The following TMEM132D variants were observed in gnomAD, a reference collection of about 807,000 sequenced individuals.
The protein encoded by TMEM132D is transmembrane protein 132D.
Under a neutral mutation model 62.3 loss-of-function variants are expected in TMEM132D, and 21 were observed. The ratio of observed to expected loss-of-function variants is 0.34; its 90% CI spans 0.24 to 0.49. The LOEUF (loss-of-function observed/expected upper bound fraction) is 0.49, where lower values mean the gene tolerates loss of function less well. Among genes scored for constraint, TMEM132D ranks in the 20% least tolerant of loss-of-function variants. The pLI is 0.99. For synonymous variants in TMEM132D, 621 were observed against 575.6 expected (o/e 1.08, Z -1.13); for missense variants, 1,346 against 1,402.8 (o/e 0.96, Z 0.65).
At chr12:129,826,777 G>A (rs1320157594) in intron 1 of TMEM132D, among the ~76,000 whole-genome samples, 1 of 152,166 alleles carries the variant, frequency 6.6e-6, no homozygotes, top group East Asian at 1.9e-4. Context: ...GCCTGAGACA[G>A]CAAGATCCAT....
intron 3 of TMEM132D, among the ~76,000 whole-genome samples, chr12:129,461,967 A>T (rs896411752): frequency 1.3e-5 from 2 of 152,186 alleles, no homozygotes; most frequent in East Asian, 1.9e-4. Context: ...ATCGTAGGGG[A>T]TAGGTATTAT....
In TMEM132D at chr12:129,675,823, T is replaced by C. The variant is rs114569967; in HGVS notation, c.968+23987A>G. 9.1e-3 allele frequency among the ~76,000 whole-genome samples: 1,384 copies of C among 152,270 alleles called. 25 individuals are homozygous for C. The highest frequency in any genetic ancestry group is 0.032 in the African/African-American group (1,321 of 41,550). On this transcript the variant is annotated intron_variant, in intron 2 of 8. Transcript: ENST00000422113. ...ATTATCCAGTCCCAGATGTCAGTGG[T>C]GCCGAGGTTGAGAAGCCCTGTGCTG...
intron 5 of TMEM132D, among the ~76,000 whole-genome samples, chr12:129,191,292 G>GACAC (rs56128227): frequency 0.13 from 19,181 of 145,026 alleles, 1,321 homozygotes; most frequent in South Asian, 0.16. Flanking sequence ...AGGGAAATAG[G>GACAC]ACACACACAC....
intron 3 of TMEM132D, among the ~76,000 whole-genome samples, chr12:129,359,607 T>C (rs1390940378): frequency 2.0e-5 from 3 of 152,166 alleles, no homozygotes; most frequent in African/African-American, 7.2e-5. Context: ...AATATTGCTA[T>C]CTCACCCCTT....
At chr12:129,275,921 A>G (rs1880992996) in intron 4 of TMEM132D, among the ~76,000 whole-genome samples, 1 of 152,208 alleles carries the variant, frequency 6.6e-6, no homozygotes, top group Admixed American at 6.5e-5. Context: ...GTTGGAAATC[A>G]AGAGTGATTT....
chr12:129,766,267 C>T (rs1870552408), intron 1 of TMEM132D, among the ~76,000 whole-genome samples: 1 of 151,912 alleles, frequency 6.6e-6, no homozygotes, highest in Admixed American at 6.6e-5. Flanking sequence ...TTAGCCCTGA[C>T]TTATACTCAC....
At chr12:129,882,762 A>T (rs541183605) in intron 1 of TMEM132D, among the ~76,000 whole-genome samples, 1 of 152,204 alleles carries the variant, frequency 6.6e-6, no homozygotes, top group African/African-American at 2.4e-5. Flanking sequence ...ATTGTTTTTA[A>T]GAAGGAAAAC....
intron 1 of TMEM132D, among the ~76,000 whole-genome samples, chr12:129,755,164 T>C (rs1040494580): frequency 1.3e-5 from 2 of 152,248 alleles, no homozygotes; most frequent in Non-Finnish European, 2.9e-5. Flanking sequence ...CTTGTAACTA[T>C]GGCTTTTTGC....
At chr12:129,233,216 A>C (rs2398458) in intron 4 of TMEM132D, among the ~76,000 whole-genome samples, 131,571 of 152,246 alleles carry the variant, frequency 0.86, 56,968 homozygotes, top group South Asian at 0.95. Context: ...TATATGAGGG[A>C]GGGGGCCCTG....
chr12:129,388,653 T>C (rs1339408721), intron 3 of TMEM132D, among the ~76,000 whole-genome samples: 1 of 127,168 alleles, frequency 7.9e-6, no homozygotes, highest in African/African-American at 2.8e-5. Context: ...CTCATCCTAA[T>C]ATAAACACTA....
At position 129,803,059 on chromosome 12, in the gene TMEM132D, A is replaced by G. The variant is rs969445923; in HGVS notation, c.79+100202T>C. 4.0e-4 allele frequency among the ~76,000 whole-genome samples: 61 copies of G among 151,202 alleles called. 2 individuals are homozygous for G. Among genetic ancestry groups the G allele is most frequent in the African/African-American group, 1.5e-3 (60 of 41,060 alleles). On this transcript the variant is annotated intron_variant, in intron 1 of 8. Transcript: ENST00000422113. The stretch of plus-strand genomic sequence containing the variant: ...TAGAGCAAGTCCTGAGTGACCTACA[A>G]AGAGACTTAGACTCCCACACATTAA...
At chr12:129,354,565 G>A (rs1425682020) in intron 3 of TMEM132D, among the ~76,000 whole-genome samples, 2 of 152,152 alleles carry the variant, frequency 1.3e-5, no homozygotes, top group Admixed American at 6.5e-5. Flanking sequence ...TTTGTGATCT[G>A]CCCACCTCAG....
chr12:129,902,957 C>T (rs563277437), intron 1 of TMEM132D, among the ~76,000 whole-genome samples: 7 of 152,294 alleles, frequency 4.6e-5, no homozygotes, highest in Non-Finnish European at 1.0e-4. Context: ...GTCCCCACGC[C>T]CTCTCCCTTT....
chr12:129,087,942 CGG>C (rs34083310), intron 5 of TMEM132D, among the ~76,000 whole-genome samples: 3 of 34,666 alleles, frequency 8.7e-5, no homozygotes, highest in African/African-American at 3.0e-4. Context: ...CCTCCATGAC[CGG>C]GGTGTCCTCC....
chr12:129,270,343 A>G (rs1260899624), intron 4 of TMEM132D, among the ~76,000 whole-genome samples: 1 of 152,208 alleles, frequency 6.6e-6, no homozygotes, highest in Non-Finnish European at 1.5e-5. Context: ...ACAGGGTACC[A>G]CTTGAGTTTA....
intron 2 of TMEM132D, among the ~76,000 whole-genome samples, chr12:129,573,333 G>T (rs1336132660): frequency 1.3e-5 from 2 of 152,212 alleles, no homozygotes; most frequent in Admixed American, 1.3e-4. Context: ...GGCCTGAGGA[G>T]CCAGACCTGA....
chr12:129,223,548 C>T (rs1234859388), intron 4 of TMEM132D, among the ~76,000 whole-genome samples: 1 of 152,096 alleles, frequency 6.6e-6, no homozygotes, highest in Non-Finnish European at 1.5e-5. Context: ...GTCCTGTAGA[C>T]CCCCGGAGCC....
chr12:129,390,637 C>A (rs1351228579), intron 3 of TMEM132D, among the ~76,000 whole-genome samples: 1 of 152,182 alleles, frequency 6.6e-6, no homozygotes, highest in African/African-American at 2.4e-5. Context: ...CTGGTCACCA[C>A]AAGCCTGCGA....
chr12:129,460,633 G>A (rs1033761567), intron 3 of TMEM132D, among the ~76,000 whole-genome samples: 11 of 152,098 alleles, frequency 7.2e-5, no homozygotes, highest in Non-Finnish European at 1.6e-4. Flanking sequence ...TCCAGTTAGC[G>A]CTCAAAAAAA....
Sources: gnomAD v4.1 joint callset for allele counts (sites outside exome capture counted in the v4.1 genomes callset) on GRCh38, gnomAD v4.1.1 for gene constraint, MANE v1.5 for transcripts, NCBI Gene and HGNC (gene_info 2026-07-23, HGNC 2026-07-21) for gene names.